The following TMPRSS15 variants were observed in gnomAD, a reference collection of about 807,000 sequenced individuals.
TMPRSS15 encodes the protein transmembrane serine protease 15.
A neutral mutation model predicts 125.3 loss-of-function variants in TMPRSS15; 128 were observed. That is an observed-to-expected ratio of 1.02 (90% CI 0.89 to 1.18). The LOEUF (loss-of-function observed/expected upper bound fraction) is 1.18, where lower values mean the gene tolerates loss of function less well. Among genes scored for constraint, TMPRSS15 ranks in the 50% most tolerant of loss-of-function variants. TMPRSS15 has a pLI of 0.00. For missense variants in TMPRSS15, 1,283 were observed against 1,212.7 expected, an observed-to-expected ratio of 1.06 and a Z score of -0.86; for synonymous variants, 446 against 423.2, an observed-to-expected ratio of 1.05 and a Z score of -0.66.
intron 1 of TMPRSS15, among the ~76,000 whole-genome samples, chr21:18,465,598 G>A (rs898404379): frequency 6.6e-6 from 1 of 152,222 alleles, no homozygotes; most frequent in South Asian, 2.1e-4. Flanking sequence ...AAAATCACAG[G>A]CATTCCTATA....
chr21:18,387,647 A>G (rs928179079), intron 3 of TMPRSS15, among the ~76,000 whole-genome samples: 5 of 148,384 alleles, frequency 3.4e-5, no homozygotes, highest in Admixed American at 6.7e-5. Context: ...ACACACACAC[A>G]CACGCACACA....
chr21:18,327,220 A>G (rs2075301060), intron 15 of TMPRSS15, among the ~76,000 whole-genome samples: 1 of 152,194 alleles, frequency 6.6e-6, no homozygotes, highest in South Asian at 2.1e-4. Context: ...ACAATAAATC[A>G]GAGATCTTTC....
intron 1 of TMPRSS15, among the ~76,000 whole-genome samples, chr21:18,446,300 T>A (rs2076255667): frequency 6.6e-6 from 1 of 152,038 alleles, no homozygotes; most frequent in Middle Eastern, 3.4e-3. Context: ...ATGAAAGAAA[T>A]TGAAGAGGAC....
rs2074693163 is a variant in TMPRSS15, at chr21:18,281,121, C to T, written c.2587G>A (p.Val863Ile). 1 of 1,613,712 alleles carries T rather than the reference C, an allele frequency of 6.2e-7. No individual in the cohort carries two copies. Among genetic ancestry groups the T allele is most frequent in the Non-Finnish European group, 8.5e-7 (1 of 1,179,988 alleles). ...CGCCTATTGTAATGAGGGTTTATGA[C>T]AATTTCATCTATTAATCGAGGGACT... ...QTVPRLIDEI[V>I]INPHYNRRRK... Residue 863 changes from valine (V) to isoleucine (I), a missense_variant, in exon 22 of 25, where the codon GTC becomes ATC. By Grantham distance (29) the Val-to-Ile change is conservative. Coordinates refer to ENST00000284885, the MANE Select transcript of TMPRSS15 (RefSeq NM_002772.3).
chr21:18,446,418 C>T (rs760101527), intron 1 of TMPRSS15, among the ~76,000 whole-genome samples: 12 of 152,030 alleles, frequency 7.9e-5, no homozygotes, highest in Non-Finnish European at 1.8e-4. Context: ...TATCAAAATA[C>T]CAAGAAAGTT....
chr21:18,345,103 A>G (rs779651208), intron 10 of TMPRSS15, among the ~76,000 whole-genome samples: 2 of 152,262 alleles, frequency 1.3e-5, no homozygotes, highest in Non-Finnish European at 2.9e-5. Context: ...GGCAAAAATT[A>G]TTCAGAATAA....
chr21:18,374,265 A>T (rs2075819053), intron 5 of TMPRSS15, among the ~76,000 whole-genome samples: 1 of 151,238 alleles, frequency 6.6e-6, no homozygotes, highest in Non-Finnish European at 1.5e-5. Context: ...TGAGGTCAGG[A>T]GATCGAGACC....
intron 18 of TMPRSS15, among the ~76,000 whole-genome samples, chr21:18,300,186 TTTTC>T (rs1161525556): frequency 6.9e-4 from 98 of 142,242 alleles, no homozygotes; most frequent in African/African-American, 2.0e-3. Context: ...ATACATTCCT[TTTTC>T]TTTCTTTCTC....
intron 6 of TMPRSS15, 82 bp from the exon 7 acceptor site, chr21:18,365,330 T>C: frequency 9.6e-7 from 1 of 1,037,982 alleles, no homozygotes; most frequent in Non-Finnish European, 1.5e-6. Context: ...AGAATATTCA[T>C]GGCAAAACCT....
intron 1 of TMPRSS15, among the ~76,000 whole-genome samples, chr21:18,437,794 T>G (rs2076231231): frequency 6.6e-6 from 1 of 152,134 alleles, no homozygotes; most frequent in South Asian, 2.1e-4. Flanking sequence ...TCACACCAGT[T>G]AGAATGGCAA....
At chr21:18,471,841 C>CAA (rs11379536) in intron 1 of TMPRSS15, among the ~76,000 whole-genome samples, 16 of 151,076 alleles carry the variant, frequency 1.1e-4, no homozygotes, top group East Asian at 5.9e-4. Context: ...CAGATGAGGG[C>CAA]AAAAAAAAGG....
intron 18 of TMPRSS15, among the ~76,000 whole-genome samples, chr21:18,309,400 G>T (rs1478470418): frequency 6.6e-6 from 1 of 152,130 alleles, no homozygotes; most frequent in Non-Finnish European, 1.5e-5. Context: ...AGCCAAAATT[G>T]ACAAATGGGA....
intron 1 of TMPRSS15, among the ~76,000 whole-genome samples, chr21:18,437,791 A>G (rs1272511570): frequency 6.6e-6 from 1 of 152,210 alleles, no homozygotes. Flanking sequence ...ATCTCACACC[A>G]GTTAGAATGG....
chr21:18,441,391 G>A (rs1358249837), intron 1 of TMPRSS15, among the ~76,000 whole-genome samples: 1 of 151,852 alleles, frequency 6.6e-6, no homozygotes, highest in East Asian at 2.0e-4. Flanking sequence ...CAGATCATGA[G>A]GTCAGGAGAT....
intron 10 of TMPRSS15, among the ~76,000 whole-genome samples, chr21:18,350,096 GA>G (rs988605700): frequency 6.6e-6 from 1 of 150,860 alleles, no homozygotes; most frequent in Non-Finnish European, 1.5e-5. Flanking sequence ...ACAGTAAAGA[GA>G]AAAAAAAAGA....
intron 18 of TMPRSS15, among the ~76,000 whole-genome samples, chr21:18,302,487 C>T (rs2074983853): frequency 6.6e-6 from 1 of 152,188 alleles, no homozygotes; most frequent in Non-Finnish European, 1.5e-5. Context: ...AACAATACAC[C>T]TAGCACACAC....
At chr21:18,418,039 A>T (rs1194959622) in intron 1 of TMPRSS15, among the ~76,000 whole-genome samples, 1 of 152,202 alleles carries the variant, frequency 6.6e-6, no homozygotes, top group African/African-American at 2.4e-5. Flanking sequence ...AAAAGCAATC[A>T]CTTGGATCCT....
intron 8 of TMPRSS15, among the ~76,000 whole-genome samples, chr21:18,359,528 T>C (rs1479836878): frequency 1.3e-5 from 2 of 149,782 alleles, no homozygotes; most frequent in East Asian, 4.0e-4. Context: ...CACATAATTT[T>C]TAAGATATTA....
chr21:18,472,480 T>TATATATATACACAC (rs1491127013), intron 1 of TMPRSS15, among the ~76,000 whole-genome samples: 1 of 112,332 alleles, frequency 8.9e-6, no homozygotes, highest in African/African-American at 3.1e-5. Context: ...TATATATATA[T>TATATATATACACAC]ACACACACAC....
Sources: allele counts gnomAD v4.1 joint callset (sites outside exome capture counted in the v4.1 genomes callset), GRCh38; gene constraint gnomAD v4.1.1; transcripts MANE v1.5; gene names NCBI Gene and HGNC (gene_info 2026-07-23, HGNC 2026-07-21).